CSMD3: variants seen among roughly 807,000 people sequenced by gnomAD.
CSMD3 encodes the protein CUB and sushi domain-containing protein 3.
A neutral mutation model predicts 435.2 loss-of-function variants in CSMD3; 177 were observed. The ratio of observed to expected loss-of-function variants is 0.41; its 90% CI spans 0.36 to 0.46. The LOEUF (loss-of-function observed/expected upper bound fraction) is 0.46, where lower values mean the gene tolerates loss of function less well. Among genes scored for constraint, CSMD3 ranks in the 20% least tolerant of loss-of-function variants. CSMD3 has a pLI of 0.34. For missense variants in CSMD3, 4,265 were observed against 4,504.6 expected (o/e 0.95, Z 1.52); for synonymous variants, 1,656 against 1,520.5 (o/e 1.09, Z -2.07).
chr8:113,299,041 C>T (rs1232131034), intron 2 of CSMD3, among the ~76,000 whole-genome samples: 1 of 152,090 alleles, frequency 6.6e-6, no homozygotes, highest in Non-Finnish European at 1.5e-5. Flanking sequence ...GTAAAGAACT[C>T]ACATGTCCCT....
At chr8:112,695,964 A>G (rs1376820253) in intron 13 of CSMD3, among the ~76,000 whole-genome samples, 3 of 152,174 alleles carry the variant, frequency 2.0e-5, no homozygotes, top group Admixed American at 1.3e-4. Context: ...ATTATGAGTG[A>G]ACTCCCATTC....
chr8:113,033,879 G>T (rs938396940), intron 5 of CSMD3, among the ~76,000 whole-genome samples: 2 of 151,340 alleles, frequency 1.3e-5, no homozygotes, highest in Non-Finnish European at 3.0e-5. Flanking sequence ...TTGGATCATG[G>T]GGGCAGTTTC....
Position 112,369,095 on chromosome 8 carries a change from A to C in CSMD3, c.6136+11257T>G, listed in dbSNP as rs76217736. On this transcript the variant is annotated intron_variant, in intron 38 of 70. Transcript: ENST00000297405. The stretch of plus-strand genomic sequence containing the variant: ...TTACAGTTCATAATACTCTGGTACA[A>C]ATGGCTATTTACAATGTGGATCTAC... Among the ~76,000 whole-genome samples, 672 of 152,210 alleles carry C rather than the reference A, an allele frequency of 4.4e-3. 6 individuals are homozygous for C. The highest frequency in any genetic ancestry group is 0.016 in the African/African-American group (646 of 41,554).
intron 3 of CSMD3, among the ~76,000 whole-genome samples, chr8:113,206,479 T>A (rs2092772283): frequency 6.6e-6 from 1 of 152,126 alleles, no homozygotes; most frequent in Non-Finnish European, 1.5e-5. Context: ...TAGGCAGAAA[T>A]TTATATTCTT....
At chr8:113,185,185 C>T (rs1232988122) in intron 3 of CSMD3, among the ~76,000 whole-genome samples, 1 of 152,028 alleles carries the variant, frequency 6.6e-6, no homozygotes, top group African/African-American at 2.4e-5. Flanking sequence ...CCATCAGGCA[C>T]TTAAGAATTA....
chr8:113,062,072 C>T (rs1016975793), intron 5 of CSMD3, among the ~76,000 whole-genome samples: 1 of 151,720 alleles, frequency 6.6e-6, no homozygotes, highest in African/African-American at 2.4e-5. Context: ...CTATTATTTT[C>T]TACTTTTAAT....
chr8:112,317,535 C>T lies in CSMD3; in HGVS notation c.7360+1302G>A, dbSNP rs564952952. Among the ~76,000 whole-genome samples the T allele has an allele frequency of 2.5e-4, 38 of 151,970 alleles. 1 individual carries two copies. The South Asian group carries it at 7.5e-3, about 30-fold the overall frequency. ...ATATCTAAATATCTGAACATGAAAC[C>T]GACATAATCCTAAAGGTCTAGAGAG... is the stretch of plus-strand genomic sequence containing the variant. On this transcript the variant is annotated intron_variant, in intron 47 of 70. Transcript: ENST00000297405.
At chr8:112,939,064 GA>G (rs1379297454) in intron 9 of CSMD3, among the ~76,000 whole-genome samples, 1 of 152,058 alleles carries the variant, frequency 6.6e-6, no homozygotes, top group Non-Finnish European at 1.5e-5. Context: ...ATAGGTATGG[GA>G]AAAAACAAGT....
chr8:113,310,428 C>T (rs1338247627), intron 2 of CSMD3: 1 of 151,636 alleles, frequency 6.6e-6, no homozygotes, highest in Non-Finnish European at 1.5e-5. Flanking sequence ...ATTTAACAAG[C>T]AACCAAGAAG....
At chr8:112,397,100 T>A (rs1054546017) in intron 35 of CSMD3, among the ~76,000 whole-genome samples, 3 of 152,346 alleles carry the variant, frequency 2.0e-5, no homozygotes, top group East Asian at 3.9e-4. Context: ...GCTTTTTCTA[T>A]CTTAAAAATA....
At chr8:112,637,488 A>C (rs1428542919) in intron 21 of CSMD3, among the ~76,000 whole-genome samples, 1 of 152,144 alleles carries the variant, frequency 6.6e-6, no homozygotes, top group Non-Finnish European at 1.5e-5. Context: ...TGAAAAACAC[A>C]TGATTTGAGA....
At chr8:113,268,786 AG>A (rs1396205114) in intron 3 of CSMD3, among the ~76,000 whole-genome samples, 7 of 152,110 alleles carry the variant, frequency 4.6e-5, no homozygotes, top group Non-Finnish European at 1.0e-4. Context: ...ACTTCATGAT[AG>A]TTCTATGCCA....
chr8:112,396,839 C>T (rs534492104), intron 35 of CSMD3, among the ~76,000 whole-genome samples: 26 of 152,050 alleles, frequency 1.7e-4, no homozygotes, highest in African/African-American at 2.2e-4. Context: ...AAAGAGTAAA[C>T]GGTTGATGGG....
At chr8:112,816,715 C>G (rs1185265545) in intron 12 of CSMD3, among the ~76,000 whole-genome samples, 1 of 151,804 alleles carries the variant, frequency 6.6e-6, no homozygotes, top group Non-Finnish European at 1.5e-5. Flanking sequence ...GCTCAACAAA[C>G]TAAGAGCAAT....
intron 7 of CSMD3, among the ~76,000 whole-genome samples, chr8:112,972,928 T>C (rs1024439089): frequency 2.0e-5 from 3 of 151,970 alleles, no homozygotes; most frequent in African/African-American, 7.2e-5. Context: ...GGTAACAATT[T>C]AAGCTAAATC....
At chr8:112,230,080 A>C (rs1028233123) in intron 69 of CSMD3, among the ~76,000 whole-genome samples, 2 of 152,120 alleles carry the variant, frequency 1.3e-5, no homozygotes, top group African/African-American at 2.4e-5. Flanking sequence ...CAGAGTTAGG[A>C]AATAAGAAAA....
chr8:112,690,144 A>G (rs1246204105), intron 13 of CSMD3, 94 bp from the exon 14 acceptor site: 1 of 906,180 alleles, frequency 1.1e-6, no homozygotes, highest in African/African-American at 1.7e-5. Context: ...TTTGTTGTGG[A>G]GATATTTCAG....
intron 57 of CSMD3, among the ~76,000 whole-genome samples, chr8:112,288,003 T>G (rs1046211017): frequency 1.0e-4 from 15 of 145,638 alleles, no homozygotes; most frequent in Non-Finnish European, 1.8e-4. Context: ...TAATATACAT[T>G]GAGAGAGAGA....
intron 10 of CSMD3, among the ~76,000 whole-genome samples, chr8:112,915,058 CAG>C (rs1018666328): frequency 3.3e-5 from 5 of 151,894 alleles, no homozygotes; most frequent in Non-Finnish European, 5.9e-5. Context: ...TTCTACATCA[CAG>C]GGGAATTTTA....
Sources: gnomAD v4.1 joint callset for allele counts (sites outside exome capture counted in the v4.1 genomes callset) on GRCh38, gnomAD v4.1.1 for gene constraint, MANE v1.5 for transcripts, NCBI Gene and HGNC (gene_info 2026-07-23, HGNC 2026-07-21) for gene names.